DNAH17: variants seen among roughly 807,000 people sequenced by gnomAD.
DNAH17 encodes axonemal beta dynein heavy chain 17.
In DNAH17, 376 loss-of-function variants were observed where a neutral mutation model predicts 485.6. That is an observed-to-expected ratio of 0.77 (90% CI 0.71 to 0.84). The LOEUF is 0.84. Among genes scored for constraint, DNAH17 ranks in the 40% least tolerant of loss-of-function variants. The probability of loss-of-function intolerance (pLI) is 0.00; values close to 1 mark genes in which losing one functional copy is unlikely to be tolerated. For synonymous variants in DNAH17, 3,031 were observed against 2,405.9 expected (o/e 1.26, Z -7.60); for missense variants, 6,370 against 5,839.3 (o/e 1.09, Z -2.96).
At chr17:78,464,604 G>A (rs1005602498) in intron 56 of DNAH17, among the ~76,000 whole-genome samples, 3 of 152,206 alleles carry the variant, frequency 2.0e-5, no homozygotes, top group Middle Eastern at 3.2e-3. Flanking sequence ...AGAGAATGTC[G>A]GACCCGTCTT....
intron 25 of DNAH17, among the ~76,000 whole-genome samples, chr17:78,521,144 G>A (rs1048159829): frequency 2.0e-5 from 3 of 152,210 alleles, no homozygotes; most frequent in Non-Finnish European, 2.9e-5. Context: ...TGTGGCTCAC[G>A]CCTGTAATCC....
At chr17:78,486,622 G>T in intron 44 of DNAH17, 116 bp from the exon 45 acceptor site, 2 of 1,305,122 alleles carry the variant, frequency 1.5e-6, no homozygotes, top group South Asian at 1.5e-5. Context: ...TGCCCTCAGG[G>T]TCACCATGCC....
intron 11 of DNAH17, among the ~76,000 whole-genome samples, chr17:78,566,334 T>A (rs1250538818): frequency 6.6e-6 from 1 of 152,222 alleles, no homozygotes; most frequent in African/African-American, 2.4e-5. Context: ...CAAGAATAAA[T>A]GGTCCCCTTG....
At position 78,487,502 on chromosome 17, in the gene DNAH17, G is replaced by A. The variant is rs549413002; in HGVS notation, c.6819-996C>T. Among the ~76,000 whole-genome samples the A allele has an allele frequency of 2.2e-4, 33 of 152,264 alleles. No homozygotes were observed. The East Asian group carries it at 4.2e-3, about 20-fold the overall frequency. ...AACACACACAGCCAGCCTGCCCTGC[G>A]CTGACCGGCAGACGTGCCTCTTTAG... On this transcript the variant is annotated intron_variant, in intron 44 of 80. Coordinates refer to ENST00000389840, the MANE Select transcript of DNAH17 (RefSeq NM_173628.4).
intron 77 of DNAH17, among the ~76,000 whole-genome samples, chr17:78,427,768 T>C (rs2086526780): frequency 6.6e-6 from 1 of 152,040 alleles, no homozygotes; most frequent in Non-Finnish European, 1.5e-5. Context: ...GATCAGGAGT[T>C]CAAAACCAGC....
At chr17:78,473,201 G>A (rs75345763) in intron 54 of DNAH17, among the ~76,000 whole-genome samples, 11,612 of 152,232 alleles carry the variant, frequency 0.076, 590 homozygotes, top group East Asian at 0.17. Context: ...GGAACTTATA[G>A]CCCTGTTTAC....
rs1478054483 is a variant in DNAH17 at position 78,445,297 on chromosome 17, C to T, written c.11334+261G>A. ...AGGCCCTGAGGCCTCTTCTGGCCCC[C>T]AGAGGATATCACTCTCTGCTTGCTG... On this transcript the variant is annotated intron_variant, in intron 70 of 80. Transcript: ENST00000389840. Among the ~76,000 whole-genome samples the T allele has an allele frequency of 4.0e-5, 6 of 151,204 alleles. No homozygotes were observed. The South Asian group carries it at 6.2e-4, about 16-fold the overall frequency.
At chr17:78,442,719 C>T (rs1313833889) in intron 71 of DNAH17, among the ~76,000 whole-genome samples, 2 of 152,220 alleles carry the variant, frequency 1.3e-5, no homozygotes, top group Non-Finnish European at 2.9e-5. Flanking sequence ...CAGCAGACCC[C>T]GGCAACTAGT....
In DNAH17 at chr17:78,569,453, G is replaced by T; in HGVS notation, c.1119C>A (p.Ile373=). 1 of 1,612,206 alleles carries T rather than the reference G, an allele frequency of 6.2e-7. No homozygotes were observed. The highest frequency in any genetic ancestry group is 1.1e-5 in the South Asian group (1 of 90,602). ...QGEIEEVLSG[I]SLAVNVLKEL... is the part of the protein sequence containing the mutation. ...CCTTCAGCACATTTACAGCCAGGGA[G>T]ATGCCACTCAGGACTTCCTCGATTT... Residue 373 remains isoleucine (I), a synonymous_variant, in exon 8 of 81, where the codon ATC becomes ATA. Transcript: ENST00000389840.
chr17:78,501,606 GGAGGCAGC>G, intron 34 of DNAH17, 128 bp downstream of exon 34: 1 of 1,314,722 alleles, frequency 7.6e-7, no homozygotes. Flanking sequence ...AAGGAGGTTA[GGAGGCAGC>G]TGCAGCCAGC....
chr17:78,541,400 G>A (rs2091583192), intron 17 of DNAH17, among the ~76,000 whole-genome samples: 1 of 149,636 alleles, frequency 6.7e-6, no homozygotes, highest in African/African-American at 2.5e-5. Context: ...TGGATGGATG[G>A]GTGGATGGTT....
chr17:78,495,227 G>C, intron 38 of DNAH17, 130 bp from the exon 39 acceptor site: 1 of 1,224,784 alleles, frequency 8.2e-7, no homozygotes, highest in Non-Finnish European at 1.1e-6. Context: ...TTGAACCTTC[G>C]GTCCTGGAGC....
Position 78,475,843 on chromosome 17 carries a change from G to GAA in DNAH17, c.8155-12_8155-11dup, listed in dbSNP as rs202011737. 1.9e-6 allele frequency: 3 copies of GAA among 1,580,736 alleles called. No homozygotes were observed. In the African/African-American group the frequency reaches 4.1e-5, roughly 22 times the overall value. ...GTTCATCACCAAGATCCTAGAAAAAGAAAAAAAAAGACGATACTTCCGGTT... is the reference window on the plus strand; with the variant it reads ...GTTCATCACCAAGATCCTAGAAAAAGAAAAAAAAAAAGACGATACTTCCGGTT... On this transcript the variant is annotated splice_polypyrimidine_tract_variant and intron_variant, in intron 52 of 80. Coordinates refer to ENST00000389840, the MANE Select transcript of DNAH17 (RefSeq NM_173628.4).
chr17:78,424,561 A>ATTAT (rs59611852), intron 80 of DNAH17: 25,333 of 165,220 alleles, frequency 0.15, 2,068 homozygotes, highest in Middle Eastern at 0.19. Flanking sequence ...GCATATAAAT[A>ATTAT]TTGCCTTTAA....
At chr17:78,537,278 C>T in intron 19 of DNAH17, 21 bp downstream of exon 19, 1 of 1,550,758 alleles carries the variant, frequency 6.4e-7, no homozygotes. Flanking sequence ...CTGTGTACGG[C>T]CAGAAGAGGC....
chr17:78,573,916 C>T (rs1201293999), intron 2 of DNAH17, among the ~76,000 whole-genome samples: 1 of 152,038 alleles, frequency 6.6e-6, no homozygotes, highest in Non-Finnish European at 1.5e-5. Flanking sequence ...TCTGGAGGTC[C>T]GAATCCCCAA....
intron 11 of DNAH17, 135 bp from the exon 12 acceptor site, chr17:78,562,115 T>C: frequency 1.8e-6 from 2 of 1,099,070 alleles, no homozygotes; most frequent in Admixed American, 2.9e-5. Context: ...AACAATCCAC[T>C]GGAACCTTTG....
intron 25 of DNAH17, among the ~76,000 whole-genome samples, chr17:78,515,478 C>T (rs1056703964): frequency 2.6e-5 from 4 of 152,188 alleles, no homozygotes; most frequent in Admixed American, 6.5e-5. Context: ...CACTGCACTT[C>T]GGCCTGGGTG....
At chr17:78,426,377 C>A (rs1321929993) in intron 79 of DNAH17, 80 bp downstream of exon 79, 1 of 1,454,888 alleles carries the variant, frequency 6.9e-7, no homozygotes. Flanking sequence ...CTCCTGCAGG[C>A]TCTAGGGTGT....
Sources: allele counts gnomAD v4.1 joint callset (sites outside exome capture counted in the v4.1 genomes callset), GRCh38; gene constraint gnomAD v4.1.1; transcripts MANE v1.5; gene names NCBI Gene and HGNC (gene_info 2026-07-23, HGNC 2026-07-21).